Variants in IQANK1 observed in about 807,000 individuals in gnomAD.
The protein encoded by IQANK1 is IQ motif and ankyrin repeat containing 1.
IQANK1 carries 30 observed loss-of-function variants against 22.6 expected under a neutral mutation model. The ratio of observed to expected loss-of-function variants is 1.33; its 90% confidence interval spans 0.99 to 1.80. IQANK1 has a LOEUF of 1.80. IQANK1 is among the 40% of genes most tolerant of loss of function. The pLI, the probability that IQANK1 is intolerant of heterozygous loss-of-function variation, is 0.00. For synonymous variants in IQANK1, 122 were observed against 99.6 expected (o/e 1.23, Z -1.34); for missense variants, 275 against 235.2 (o/e 1.17, Z -1.11).
chr8:143,790,205 T>A lies in IQANK1; in HGVS notation c.1358T>A (p.Val453Glu), dbSNP rs1257042163. The A allele has an allele frequency of 1.5e-5, 19 of 1,231,994 alleles. No homozygotes were observed. The highest frequency in any genetic ancestry group is 3.1e-4 in the Middle Eastern group (1 of 3,230). 76.3% of individuals were successfully genotyped at this position (1,231,994 alleles called of 1,614,324 possible). Residue 453 changes from valine (V) to glutamate (E), a missense_variant, in exon 13 of 14, where the codon GTG becomes GAG. Transcript: ENST00000527139. ...TFLRYQDTNY[V>E]DTVNPEPLRP... is the part of the protein sequence containing the mutation. ...CTGCGCTACCAGGATACCAACTATG[T>A]GGACACGGTGAACCCGGAGCCCCTG... is the stretch of plus-strand genomic sequence containing the variant.
At chr8:143,768,872 T>C (rs1053056719) in intron 3 of IQANK1, among the ~76,000 whole-genome samples, 6 of 152,156 alleles carry the variant, frequency 3.9e-5, no homozygotes, top group African/African-American at 1.2e-4. Context: ...CATCTGCAAA[T>C]GAAGATGACT....
At chr8:143,781,561 C>T (rs181088140) in intron 7 of IQANK1, among the ~76,000 whole-genome samples, 5 of 152,258 alleles carry the variant, frequency 3.3e-5, no homozygotes, top group East Asian at 1.9e-4. Context: ...TATTCCAGCA[C>T]GGTTTATTGA....
intron 3 of IQANK1, among the ~76,000 whole-genome samples, chr8:143,747,753 G>A (rs138823849): frequency 2.6e-4 from 40 of 152,024 alleles, no homozygotes; most frequent in East Asian, 2.3e-3. Context: ...GAAACTTTGC[G>A]CAGCGTGATT....
chr8:143,775,998 TGAG>T (rs1332602239), intron 7 of IQANK1, among the ~76,000 whole-genome samples: 1 of 151,104 alleles, frequency 6.6e-6, no homozygotes, highest in African/African-American at 2.4e-5. Context: ...TGAAAAAAAT[TGAG>T]GAGGGCCGGG....
At chr8:143,752,995 C>CATTTTTTTTTTTTTTTTTTTTTTTTT (rs1563771948) in intron 3 of IQANK1, among the ~76,000 whole-genome samples, 1 of 74,700 alleles carries the variant, frequency 1.3e-5, no homozygotes, top group African/African-American at 4.8e-5. Context: ...ACTCTCTGTT[C>CATTTTTTTTTTTTTTTTTTTTTTTTT]GTTTTTTTTT....
chr8:143,742,632 AAAG>A (rs782056915), intron 3 of IQANK1: 20 of 456,076 alleles, frequency 4.4e-5, no homozygotes, highest in Non-Finnish European at 8.4e-5. Flanking sequence ...CTGCTTTCCA[AAAG>A]AAGAATAGCC....
chr8:143,777,028 A>C (rs905361611), intron 7 of IQANK1, among the ~76,000 whole-genome samples: 1 of 151,998 alleles, frequency 6.6e-6, no homozygotes, highest in African/African-American at 2.4e-5. Context: ...TGGGATGCTG[A>C]AGGGGAAGGA....
chr8:143,740,972 C>T (rs1021411289), intron 3 of IQANK1, among the ~76,000 whole-genome samples: 1 of 152,196 alleles, frequency 6.6e-6, no homozygotes, highest in Non-Finnish European at 1.5e-5. Context: ...AGAGGAAGCA[C>T]GGAACACAAG....
At chr8:143,742,244 T>G (rs1201722707) in intron 3 of IQANK1, 1 of 396,594 alleles carries the variant, frequency 2.5e-6, no homozygotes, top group Non-Finnish European at 5.1e-6. Context: ...CCGGAGTCAG[T>G]GATACACAGC....
chr8:143,745,261 C>T (rs1819004610), intron 3 of IQANK1: 1 of 152,226 alleles, frequency 6.6e-6, no homozygotes, highest in Admixed American at 6.5e-5. Context: ...TGATCATACT[C>T]ACTGGGTCAG....
At chr8:143,773,471 G>A (rs1554630035) in intron 7 of IQANK1, among the ~76,000 whole-genome samples, 1 of 152,108 alleles carries the variant, frequency 6.6e-6, no homozygotes, top group African/African-American at 2.4e-5. Context: ...GCCTACCTTA[G>A]TTTCATTTAA....
Position 143,789,530 on chromosome 8 carries a change from T to TG in IQANK1, c.1086+7dup. 6 of 1,232,014 alleles carry TG rather than the reference T, an allele frequency of 4.9e-6. No homozygotes were observed. The South Asian group carries it at 2.1e-4, about 42-fold the overall frequency. 76.3% of individuals were successfully genotyped at this position (1,232,014 alleles called of 1,614,324 possible). On this transcript the variant is annotated splice_region_variant and intron_variant, in intron 10 of 13. Transcript: ENST00000527139. ...GACAAGACCAAGCTCACGCTGCAGG[T>TG]GGGGGCCCGTGGTGGACTTGATATG...
chr8:143,757,530 G>T (rs1819316289), intron 3 of IQANK1, among the ~76,000 whole-genome samples: 2 of 151,984 alleles, frequency 1.3e-5, no homozygotes, highest in Admixed American at 6.6e-5. Flanking sequence ...TAGAGAAGGG[G>T]TTTTCACCAT....
At chr8:143,762,836 G>A (rs1374551087) in intron 3 of IQANK1, among the ~76,000 whole-genome samples, 1 of 152,140 alleles carries the variant, frequency 6.6e-6, no homozygotes, top group Non-Finnish European at 1.5e-5. Context: ...TAAAACTGGA[G>A]AATGAAGTCT....
chr8:143,775,823 C>CACACACACACACACACACA (rs57293834), intron 7 of IQANK1, among the ~76,000 whole-genome samples: 2 of 140,860 alleles, frequency 1.4e-5, no homozygotes, highest in African/African-American at 3.1e-5. Context: ...CACACACACA[C>CACACACACACACACACACA]CATTCCTAAA....
intron 3 of IQANK1, among the ~76,000 whole-genome samples, chr8:143,749,583 T>A (rs1437300600): frequency 1.2e-5 from 1 of 86,492 alleles, no homozygotes; most frequent in Non-Finnish European, 2.2e-5. Context: ...TATATATATA[T>A]TTTATTTATT....
At chr8:143,787,709 C>A (rs1395782054) in intron 7 of IQANK1, among the ~76,000 whole-genome samples, 1 of 152,172 alleles carries the variant, frequency 6.6e-6, no homozygotes, top group African/African-American at 2.4e-5. Context: ...TGCCACGAAC[C>A]CCTTGCTCTG....
chr8:143,748,982 CAT>C (rs1174426644), intron 3 of IQANK1, among the ~76,000 whole-genome samples: 4 of 109,790 alleles, frequency 3.6e-5, no homozygotes, highest in Admixed American at 1.1e-4. Flanking sequence ...ATAAATATAT[CAT>C]ATATAAATAT....
chr8:143,790,039 G>C lies in IQANK1; in HGVS notation c.1264G>C (p.Gly422Arg). 1 of 1,232,120 alleles carries C rather than the reference G, an allele frequency of 8.1e-7. No homozygotes were observed. The highest frequency in any genetic ancestry group is 3.2e-5 in the East Asian group (1 of 31,716). 76.3% of individuals were successfully genotyped at this position (1,232,120 alleles called of 1,614,324 possible). Reference sequence around the variant, plus strand: ...GCACGATGTGCTGATGAAAGATGTAGGCAACCGCATCCGTGCCGATGGCCG... The same window carrying C: ...GCACGATGTGCTGATGAAAGATGTACGCAACCGCATCCGTGCCGATGGCCG... ...ELHDVLMKDV[G>R]NRIRADGRWP... The change falls in exon 12 of 14, where the codon GGC becomes CGC. Residue 422 changes from glycine (G) to arginine (R), a missense_variant. By Grantham distance (125) the Gly-to-Arg change is moderately radical (BLOSUM62 -2). Coordinates refer to ENST00000527139, the MANE Select transcript of IQANK1 (RefSeq NM_001381874.1).
Sources: gnomAD v4.1 joint callset for allele counts (sites outside exome capture counted in the v4.1 genomes callset) on GRCh38, gnomAD v4.1.1 for gene constraint, MANE v1.5 for transcripts, NCBI Gene and HGNC (gene_info 2026-07-23, HGNC 2026-07-21) for gene names.